The following PRELID2 variants were observed in gnomAD, a reference collection of about 807,000 sequenced individuals.
PRELID2 encodes the protein PRELI domain containing 2, also known as PRELI domain-containing protein 2.
PRELID2 carries 25 observed loss-of-function variants against 28.4 expected under a neutral mutation model. The ratio of observed to expected loss-of-function variants is 0.88; its 90% confidence interval spans 0.64 to 1.23. PRELID2 has a LOEUF of 1.23. PRELID2 is among the 50% of genes most tolerant of loss of function. PRELID2 has a pLI of 0.00. For synonymous variants in PRELID2, 76 were observed against 71.6 expected (o/e 1.06, Z -0.31); for missense variants, 201 against 214.4 (o/e 0.94, Z 0.39).
At chr5:145,375,866 T>G in the PRELID2 span, among the ~76,000 whole-genome samples, 1 of 152,236 alleles carries the variant, frequency 6.6e-6, no homozygotes, top group Non-Finnish European at 1.5e-5. Flanking sequence ...TAGAGATGCA[T>G]GCTGCCCTTC....
At chr5:145,394,903 A>G in the PRELID2 span, among the ~76,000 whole-genome samples, 1 of 152,110 alleles carries the variant, frequency 6.6e-6, no homozygotes, top group African/African-American at 2.4e-5. Context: ...AGATGTAGAG[A>G]ACACTTAATC....
At chr5:145,387,222 C>A in the PRELID2 span, among the ~76,000 whole-genome samples, 1 of 151,830 alleles carries the variant, frequency 6.6e-6, no homozygotes, top group Non-Finnish European at 1.5e-5. Context: ...TGTCAAAAAG[C>A]CTTTTATTTT....
chr5:145,700,432 A>C (rs1424091114), intron 1 of PRELID2, among the ~76,000 whole-genome samples: 1 of 152,016 alleles, frequency 6.6e-6, no homozygotes, highest in Non-Finnish European at 1.5e-5. Context: ...GCTGGTTTTC[A>C]CCAGCAAGGT....
intron 1 of PRELID2, among the ~76,000 whole-genome samples, chr5:145,694,423 AATTT>A (rs1302974897): frequency 1.8e-4 from 27 of 152,098 alleles, no homozygotes; most frequent in African/African-American, 5.1e-4. Flanking sequence ...TTGTTAATGA[AATTT>A]ATTTTTCTTA....
chr5:145,609,889 G>T (rs1753586117), intron 1 of PRELID2, among the ~76,000 whole-genome samples: 1 of 152,222 alleles, frequency 6.6e-6, no homozygotes, highest in African/African-American at 2.4e-5. Context: ...GAGATCACTG[G>T]TCTGGAAGCT....
chr5:145,509,520 C>A (rs976784740), intron 1 of PRELID2, among the ~76,000 whole-genome samples: 1 of 152,162 alleles, frequency 6.6e-6, no homozygotes, highest in Non-Finnish European at 1.5e-5. Context: ...GCTGCCTGGG[C>A]CAAGACTCAG....
chr5:145,527,188 A>G (rs1320652915), intron 1 of PRELID2, among the ~76,000 whole-genome samples: 1 of 152,214 alleles, frequency 6.6e-6, no homozygotes, highest in African/African-American at 2.4e-5. Flanking sequence ...CTGTTCTATT[A>G]TCTTCATTAT....
intron 1 of PRELID2, among the ~76,000 whole-genome samples, chr5:145,614,810 T>C (rs368492488): frequency 3.6e-4 from 55 of 152,340 alleles, no homozygotes; most frequent in African/African-American, 1.2e-3. Context: ...CCAATTTGGA[T>C]ACCCTTTATT....
chr5:145,398,448 T>A, the PRELID2 span, among the ~76,000 whole-genome samples: 30 of 152,144 alleles, frequency 2.0e-4, no homozygotes, highest in Non-Finnish European at 3.4e-4. Flanking sequence ...TCCCCTGTTT[T>A]CACTCCTGTC....
intron 5 of PRELID2, among the ~76,000 whole-genome samples, chr5:145,768,695 T>C (rs1332372455): frequency 6.6e-6 from 1 of 152,180 alleles, no homozygotes; most frequent in Non-Finnish European, 1.5e-5. Flanking sequence ...TTCCCATCCA[T>C]CTAAATTAAG....
At chr5:145,365,353 A>T in the PRELID2 span, among the ~76,000 whole-genome samples, 1 of 151,958 alleles carries the variant, frequency 6.6e-6, no homozygotes, top group Non-Finnish European at 1.5e-5. Flanking sequence ...ATGCAAACAT[A>T]TATCAAAACA....
At chr5:145,678,522 A>T (rs1475377371) in intron 1 of PRELID2, among the ~76,000 whole-genome samples, 1 of 152,198 alleles carries the variant, frequency 6.6e-6, no homozygotes, top group Non-Finnish European at 1.5e-5. Flanking sequence ...TAAATTCCTA[A>T]ATCATAATGC....
At chr5:145,313,476 T>C in the PRELID2 span, among the ~76,000 whole-genome samples, 60,812 of 152,040 alleles carry the variant, frequency 0.4, 13,145 homozygotes, top group African/African-American at 0.57. Flanking sequence ...TGAAAACCTG[T>C]TCACCTTAGA....
chr5:145,261,091 T>C, the PRELID2 span, among the ~76,000 whole-genome samples: 13,186 of 152,128 alleles, frequency 0.087, 1,216 homozygotes, highest in African/African-American at 0.24. Flanking sequence ...CAGAGGCAGC[T>C]ATAATCCACC....
chr5:145,654,283 G>C (rs1754352502), intron 1 of PRELID2, among the ~76,000 whole-genome samples: 1 of 152,168 alleles, frequency 6.6e-6, no homozygotes, highest in African/African-American at 2.4e-5. Flanking sequence ...AAAAAGTCCA[G>C]GATAGATGGA....
At chr5:145,630,140 G>GGATGGATGGATA (rs1456428979) in intron 1 of PRELID2, among the ~76,000 whole-genome samples, 2 of 151,932 alleles carry the variant, frequency 1.3e-5, no homozygotes, top group African/African-American at 4.8e-5. Flanking sequence ...ATGGATGGAT[G>GGATGGATGGATA]GATGGATGGA....
intron 1 of PRELID2, among the ~76,000 whole-genome samples, chr5:145,734,140 G>T (rs1756428350): frequency 6.6e-6 from 1 of 151,980 alleles, no homozygotes; most frequent in African/African-American, 2.4e-5. Flanking sequence ...TTTAAAGATG[G>T]AGTCTCACTC....
the PRELID2 span, among the ~76,000 whole-genome samples, chr5:145,350,309 G>T: frequency 1.3e-5 from 2 of 152,286 alleles, no homozygotes; most frequent in Non-Finnish European, 2.9e-5. Flanking sequence ...CATGAGAAAA[G>T]ATTTCACCAA....
Position 145,577,197 on chromosome 5 carries a change from A to G in PRELID2, n.71-103882T>C, listed in dbSNP as rs548090675. Reference sequence around the variant, plus strand: ...CATCAGTGCATAGCCAGAGTATCAAAAGCAATCAAAGAAACATGACAGCAT... The same window carrying G: ...CATCAGTGCATAGCCAGAGTATCAAGAGCAATCAAAGAAACATGACAGCAT... On this transcript the variant is annotated intron_variant and non_coding_transcript_variant, in intron 1 of 2. Transcript: ENST00000510259. Among the ~76,000 whole-genome samples the G allele has an allele frequency of 1.4e-4, 22 of 152,302 alleles. No homozygotes were observed. In the South Asian group the frequency reaches 4.1e-3, roughly 29 times the overall value.
Sources: allele counts gnomAD v4.1 joint callset (sites outside exome capture counted in the v4.1 genomes callset), GRCh38; gene constraint gnomAD v4.1.1; transcripts MANE v1.5; gene names NCBI Gene and HGNC (gene_info 2026-07-23, HGNC 2026-07-21).